Variants in TMEM273 observed in about 807,000 individuals in gnomAD.
The protein encoded by TMEM273 is chromosome 10 open reading frame 128.
A neutral mutation model predicts 17.9 loss-of-function variants in TMEM273; 19 were observed. That is an observed-to-expected ratio of 1.06 (90% confidence interval 0.74 to 1.55). TMEM273 has a LOEUF of 1.55. Ranked by LOEUF, TMEM273 falls within the 40% of genes most tolerant of loss-of-function variation. The probability of loss-of-function intolerance (pLI) is 0.00; values close to 1 mark genes in which losing one functional copy is unlikely to be tolerated. For synonymous variants in TMEM273, 66 were observed against 62.0 expected (o/e 1.07, Z -0.31); for missense variants, 194 against 155.6 (o/e 1.25, Z -1.31).
chr10:49,172,866 A>C (rs1206287564), intron 1 of TMEM273, among the ~76,000 whole-genome samples: 4 of 152,166 alleles, frequency 2.6e-5, no homozygotes, highest in African/African-American at 9.7e-5. Context: ...AGCCAAGCAC[A>C]CCAGGAGGCA....
intron 1 of TMEM273, among the ~76,000 whole-genome samples, chr10:49,176,336 C>A (rs186802163): frequency 6.6e-6 from 1 of 152,216 alleles, no homozygotes; most frequent in Non-Finnish European, 1.5e-5. Context: ...GGGCACAAGC[C>A]TCTGCTGTTT....
At chr10:49,175,254 T>C (rs1370763266) in intron 1 of TMEM273, among the ~76,000 whole-genome samples, 1 of 152,018 alleles carries the variant, frequency 6.6e-6, no homozygotes, top group African/African-American at 2.4e-5. Context: ...CAGATAAGGT[T>C]TTCAGAAAAG....
At position 49,185,933 on chromosome 10, in the gene TMEM273, G is replaced by A. The variant is rs142681214; in HGVS notation, c.43+2361C>T. Among the ~76,000 whole-genome samples, 1,207 of 151,436 alleles carry A rather than the reference G, an allele frequency of 8.0e-3. 7 individuals carry two copies. Among genetic ancestry groups the A allele is most frequent in the Non-Finnish European group, 0.013 (849 of 67,876 alleles). ...GTGGAGGTTGCGGTGAGCCGAGATCGCGCCATTGCACTCCAGCCTGGGCAA... is the reference window on the plus strand; with the variant it reads ...GTGGAGGTTGCGGTGAGCCGAGATCACGCCATTGCACTCCAGCCTGGGCAA... On this transcript the variant is annotated intron_variant, in intron 1 of 6. Transcript: ENST00000374153.
chr10:49,174,061 C>T (rs1260680944), intron 1 of TMEM273, among the ~76,000 whole-genome samples: 1 of 152,146 alleles, frequency 6.6e-6, no homozygotes, highest in African/African-American at 2.4e-5. Flanking sequence ...CTGGGCTTCC[C>T]TTTTTTCATC....
chr10:49,169,158 T>G (rs1026888429), intron 1 of TMEM273, among the ~76,000 whole-genome samples: 1 of 152,182 alleles, frequency 6.6e-6, no homozygotes, highest in Non-Finnish European at 1.5e-5. Flanking sequence ...TAGGGCTGCA[T>G]GGACTTGGGC....
chr10:49,168,817 C>T (rs1310052148), intron 1 of TMEM273, among the ~76,000 whole-genome samples: 1 of 152,148 alleles, frequency 6.6e-6, no homozygotes, highest in African/African-American at 2.4e-5. Context: ...GGAGATACTG[C>T]TCACAAACAG....
chr10:49,186,062 AGAAGAG>A (rs1368878249), intron 1 of TMEM273, among the ~76,000 whole-genome samples: 1 of 142,506 alleles, frequency 7.0e-6, no homozygotes. Flanking sequence ...AGGAAGAAGA[AGAAGAG>A]GAAGAAGAAG....
At chr10:49,165,362 C>T in intron 4 of TMEM273, 79 bp from the exon 5 acceptor site, 1 of 1,548,756 alleles carries the variant, frequency 6.5e-7, no homozygotes, top group Non-Finnish European at 8.7e-7. Context: ...GACGTGGGCT[C>T]TGTGCAGAAG....
chr10:49,181,117 C>T (rs1847314563), intron 1 of TMEM273, among the ~76,000 whole-genome samples: 1 of 152,154 alleles, frequency 6.6e-6, no homozygotes. Flanking sequence ...CACAATTATA[C>T]ACAGAAAGAA....
At chr10:49,176,978 T>C (rs1360791533) in intron 1 of TMEM273, among the ~76,000 whole-genome samples, 1 of 152,206 alleles carries the variant, frequency 6.6e-6, no homozygotes, top group African/African-American at 2.4e-5. Context: ...CCTGACCCCA[T>C]GGCCCTGCAG....
At chr10:49,175,983 C>T (rs934780287) in intron 1 of TMEM273, among the ~76,000 whole-genome samples, 47 of 152,314 alleles carry the variant, frequency 3.1e-4, no homozygotes, top group African/African-American at 1.1e-3. Context: ...GAAACCTCAC[C>T]ATGACTCCCA....
At chr10:49,174,833 G>A (rs959542477) in intron 1 of TMEM273, among the ~76,000 whole-genome samples, 1 of 152,154 alleles carries the variant, frequency 6.6e-6, no homozygotes, top group Non-Finnish European at 1.5e-5. Flanking sequence ...GGCAACTCCA[G>A]CTCAGGACCC....
chr10:49,186,072 G>A (rs1451623353), intron 1 of TMEM273, among the ~76,000 whole-genome samples: 5 of 136,868 alleles, frequency 3.7e-5, no homozygotes, highest in Non-Finnish European at 6.2e-5. Context: ...AGAAGAGGAA[G>A]AAGAAGAAGA....
At chr10:49,176,725 A>G (rs558280954) in intron 1 of TMEM273, among the ~76,000 whole-genome samples, 4 of 152,280 alleles carry the variant, frequency 2.6e-5, no homozygotes, top group African/African-American at 4.8e-5. Flanking sequence ...GAAAGGGGTC[A>G]TGATGCTGCA....
rs776316896 is a variant in TMEM273 at position 49,166,907 on chromosome 10, T to A, written c.200A>T (p.Asp67Val). 1.9e-6 allele frequency: 3 copies of A among 1,612,426 alleles called. No homozygotes were observed. Among genetic ancestry groups the A allele is most frequent in the Middle Eastern group, 1.7e-4 (1 of 6,060 alleles). ...AGGCGTGCTTTTCAGGTCGGAAGAG[T>A]CGTCGTCAAATAAGTGCCTCCTGAT... ...CMIRRHLFDD[D>V]SSDLKSTPGG... The change falls in exon 3 of 7, where the codon GAC becomes GTC. Residue 67 changes from aspartate (D) to valine (V), a missense_variant. Transcript: ENST00000374153.
intron 5 of TMEM273, 39 bp downstream of exon 5, chr10:49,165,164 AAG>A: frequency 2.0e-6 from 3 of 1,517,752 alleles, no homozygotes; most frequent in Non-Finnish European, 2.6e-6. Flanking sequence ...AAGCCAAGCA[AAG>A]AGAAGAGAAT....
rs368630220 is a variant in TMEM273 at position 49,170,918 on chromosome 10, T to C, written c.44-2956A>G. Among the ~76,000 whole-genome samples the C allele has an allele frequency of 4.6e-5, 7 of 152,158 alleles. No homozygotes were observed. In the South Asian group the frequency reaches 1.2e-3, roughly 27 times the overall value. ...TGCAAGCCTCCAGCACTGGCTGATG[T>C]CCCCTGGCTCTGCAAAGTAGCTGGA... On this transcript the variant is annotated intron_variant, in intron 1 of 6. Coordinates refer to ENST00000374153, the MANE Select transcript of TMEM273 (RefSeq NM_001288740.3).
At chr10:49,161,239 G>C (rs544065672) in intron 6 of TMEM273, 1 of 283,768 alleles carries the variant, frequency 3.5e-6, no homozygotes, top group South Asian at 6.7e-5. Flanking sequence ...ATGAAGAGAT[G>C]TTTGGGAATT....
rs187046553 is a variant in TMEM273, at chr10:49,165,414, G to T, written c.270-131C>A. The T allele has an allele frequency of 1.5e-5, 22 of 1,514,486 alleles. No individual in the cohort carries two copies. In the East Asian group the frequency reaches 5.4e-4, roughly 37 times the overall value. 93.8% of individuals were successfully genotyped at this position (1,514,486 alleles called of 1,614,324 possible). A position where few individuals can be genotyped will look rare whatever the true frequency, so the allele number is the denominator to read the frequency against. On this transcript the variant is annotated intron_variant, in intron 4 of 6. Transcript: ENST00000374153. ...GCCAGCAGGGAAGCCCAGAAACCTG[G>T]GACAAACCACGTGTGACCTCCCAAG...
Sources: gnomAD v4.1 joint callset for allele counts (sites outside exome capture counted in the v4.1 genomes callset) on GRCh38, gnomAD v4.1.1 for gene constraint, MANE v1.5 for transcripts, NCBI Gene and HGNC (gene_info 2026-07-23, HGNC 2026-07-21) for gene names.